Variants in ZSCAN5A observed in about 807,000 individuals in gnomAD.
ZSCAN5A encodes zinc finger and SCAN domain-containing protein 5A.
Under a neutral mutation model 23.7 loss-of-function variants are expected in ZSCAN5A, and 12 were observed. The ratio of observed to expected loss-of-function variants is 0.51; its 90% confidence interval spans 0.32 to 0.82. The LOEUF is 0.82. Ranked by LOEUF, ZSCAN5A falls within the 40% of genes least tolerant of loss-of-function variation. The pLI is 0.03. For missense variants in ZSCAN5A, 597 were observed against 617.9 expected (o/e 0.97, Z 0.36); for synonymous variants, 257 against 239.9 (o/e 1.07, Z -0.66).
rs2041673479 is a variant in ZSCAN5A, at chr19:56,352,442, G to A, written c.-358+10793C>T. Among the ~76,000 whole-genome samples the A allele has an allele frequency of 6.6e-6, 1 of 152,144 alleles. No homozygotes were observed. The highest frequency in any genetic ancestry group is 2.4e-5 in the African/African-American group (1 of 41,436). On this transcript the variant is annotated intron_variant, in intron 2 of 6. Coordinates refer to the ZSCAN5A transcript ENST00000587340. This position sits in a 1 kb window ranked among gnomAD's most constrained non-coding sequence, Gnocchi z 4.2. Reference sequence around the variant, plus strand: ...GGGACTGATTATTGAAAGAATTTCGGTGAAAAAATAAACATTTATCCTTAG... The same window carrying A: ...GGGACTGATTATTGAAAGAATTTCGATGAAAAAATAAACATTTATCCTTAG...
intron 2 of ZSCAN5A, among the ~76,000 whole-genome samples, chr19:56,238,501 G>T (rs1388689171): frequency 1.3e-5 from 2 of 152,130 alleles, no homozygotes; most frequent in Non-Finnish European, 2.9e-5. Context: ...GTGTGGTGGT[G>T]CTTGCCTGTA....
Position 56,350,859 on chromosome 19 carries a change from T to G in ZSCAN5A, c.-358+12376A>C, listed in dbSNP as rs142779790. Among the ~76,000 whole-genome samples the G allele has an allele frequency of 3.5e-4, 53 of 151,684 alleles. 1 individual carries two copies. The East Asian group carries it at 9.8e-3, about 28-fold the overall frequency. ...TTTAATATTTTATTAAATAATGTTTTATTTAATAAAACATTAAATAAAGTT... is the reference window on the plus strand; with the variant it reads ...TTTAATATTTTATTAAATAATGTTTGATTTAATAAAACATTAAATAAAGTT... On this transcript the variant is annotated intron_variant, in intron 2 of 6. Transcript: ENST00000587340.
At chr19:56,246,767 A>T (rs544657082) in intron 2 of ZSCAN5A, 1 of 1,595,942 alleles carries the variant, frequency 6.3e-7, no homozygotes, top group Admixed American at 1.7e-5. Context: ...AAGGAACCCA[A>T]AAAAAGAGCC....
At chr19:56,293,272 T>G (rs1344110513) in intron 2 of ZSCAN5A, among the ~76,000 whole-genome samples, 1 of 152,080 alleles carries the variant, frequency 6.6e-6, no homozygotes, top group African/African-American at 2.4e-5. Flanking sequence ...GAAAACACTG[T>G]GGTAAGAGAG....
intron 2 of ZSCAN5A, among the ~76,000 whole-genome samples, chr19:56,312,980 A>G (rs1317537178): frequency 6.6e-6 from 1 of 152,192 alleles, no homozygotes; most frequent in African/African-American, 2.4e-5. Context: ...TGCTGCTGCT[A>G]TGATTATGAT....
At chr19:56,320,742 G>A (rs572699721) in intron 2 of ZSCAN5A, 86 of 1,226,322 alleles carry the variant, frequency 7.0e-5, no homozygotes, top group Non-Finnish European at 8.9e-5. Flanking sequence ...GACACAAGAC[G>A]TACTCCAACA....
intron 2 of ZSCAN5A, among the ~76,000 whole-genome samples, chr19:56,250,857 G>A (rs1454746486): frequency 4.6e-5 from 7 of 152,062 alleles, no homozygotes; most frequent in African/African-American, 1.4e-4. Flanking sequence ...AAGACCATGT[G>A]CTTTATGTGG....
intron 2 of ZSCAN5A, among the ~76,000 whole-genome samples, chr19:56,341,719 A>C (rs1309602466): frequency 4.0e-5 from 6 of 150,816 alleles, no homozygotes; most frequent in Non-Finnish European, 5.9e-5. Context: ...AAAAAAAAAA[A>C]AAAAAAAACC....
intron 4 of ZSCAN5A, 150 bp downstream of exon 4, chr19:56,223,481 C>G: frequency 2.4e-6 from 2 of 831,602 alleles, no homozygotes; most frequent in South Asian, 3.7e-5. Flanking sequence ...TGTGATGGCT[C>G]AGGAATGAAT....
At chr19:56,246,439 C>A (rs767107802) in intron 2 of ZSCAN5A, 2 of 570,910 alleles carry the variant, frequency 3.5e-6, no homozygotes, top group South Asian at 2.4e-5. Flanking sequence ...ACTTACATCC[C>A]CAGAGCCTCA....
In ZSCAN5A at chr19:56,225,007, A is replaced by G. The variant is rs775462486; in HGVS notation, c.40T>C (p.Ser14Pro). Residue 14 changes from serine (S) to proline (P), a missense_variant, in exon 3 of 6, where the codon TCC (serine) becomes CCC (proline). This residue lies in a region of ZSCAN5A where 72 missense variants were observed against 76.8 expected (regional missense o/e 0.94). Coordinates refer to ENST00000683990, the MANE Select transcript of ZSCAN5A (RefSeq NM_001322064.3). ...NCTSSWSLGESCNRPGLELPR... is the reference protein window; with the variant it reads ...NCTSSWSLGEPCNRPGLELPR... ...AGCTCCAACCCAGGTCTGTTGCAGG[A>G]TTCTCCTAGACTCCATGAGGATGTG... is the stretch of plus-strand genomic sequence containing the variant. The G allele has an allele frequency of 1.2e-6, 2 of 1,613,326 alleles. No individual in the cohort carries two copies. The highest frequency in any genetic ancestry group is 1.7e-6 in the Non-Finnish European group (2 of 1,179,570).
intron 2 of ZSCAN5A, among the ~76,000 whole-genome samples, chr19:56,309,255 C>G (rs1254883431): frequency 6.6e-6 from 1 of 152,122 alleles, no homozygotes; most frequent in Non-Finnish European, 1.5e-5. Flanking sequence ...CTGGCAAATT[C>G]AAAGAGACAG....
At chr19:56,300,185 G>A (rs1436000149) in intron 2 of ZSCAN5A, among the ~76,000 whole-genome samples, 3 of 152,020 alleles carry the variant, frequency 2.0e-5, no homozygotes, top group Non-Finnish European at 4.4e-5. Flanking sequence ...TAATGGGTAA[G>A]CATTAAACCA....
At chr19:56,278,551 T>TGAA (rs1214838159) in intron 2 of ZSCAN5A, among the ~76,000 whole-genome samples, 1 of 152,188 alleles carries the variant, frequency 6.6e-6, no homozygotes, top group Non-Finnish European at 1.5e-5. Context: ...GACAGAACCA[T>TGAA]GAAGATATAC....
chr19:56,291,052 G>T (rs1395944139), intron 2 of ZSCAN5A, among the ~76,000 whole-genome samples: 1 of 152,214 alleles, frequency 6.6e-6, no homozygotes, highest in African/African-American at 2.4e-5. Context: ...CCGTGAGGGT[G>T]TGTCTGGGAT....
At chr19:56,249,555 C>A (rs558077096) in intron 2 of ZSCAN5A, among the ~76,000 whole-genome samples, 3 of 152,150 alleles carry the variant, frequency 2.0e-5, no homozygotes, top group African/African-American at 7.2e-5. Flanking sequence ...TACATGAGCA[C>A]GAGCCGCCAT....
chr19:56,229,230 T>TA (rs2034249887), intron 2 of ZSCAN5A, among the ~76,000 whole-genome samples: 2 of 152,218 alleles, frequency 1.3e-5, no homozygotes, highest in Non-Finnish European at 1.5e-5. Flanking sequence ...CCTTCTCGTC[T>TA]AACCTTTAGG....
intron 2 of ZSCAN5A, among the ~76,000 whole-genome samples, chr19:56,240,248 T>C (rs1249354554): frequency 6.6e-6 from 1 of 151,424 alleles, no homozygotes; most frequent in African/African-American, 2.4e-5. Context: ...CTCCAAATAC[T>C]TCAGCAATAT....
intron 2 of ZSCAN5A, among the ~76,000 whole-genome samples, chr19:56,300,884 C>T (rs1600229302): frequency 6.6e-6 from 1 of 152,264 alleles, no homozygotes; most frequent in East Asian, 1.9e-4. Context: ...GAAAGAAACA[C>T]TCTTGCACCT....
Sources: allele counts gnomAD v4.1 joint callset (sites outside exome capture counted in the v4.1 genomes callset), GRCh38; gene constraint gnomAD v4.1.1; regional missense constraint gnomAD v4.1.1; non-coding constraint Gnocchi (gnomAD v3.1); transcripts MANE v1.5; gene names NCBI Gene and HGNC (gene_info 2026-07-23, HGNC 2026-07-21).